The following SLC25A12 variants were observed in gnomAD, a reference collection of about 807,000 sequenced individuals.
SLC25A12 encodes solute carrier family 25 member 12, also known as electrogenic aspartate/glutamate antiporter SLC25A12, mitochondrial.
Under a neutral mutation model 83.3 loss-of-function variants are expected in SLC25A12, and 32 were observed. The ratio of observed to expected loss-of-function variants is 0.38; its 90% confidence interval spans 0.29 to 0.52. SLC25A12 has a LOEUF of 0.52. Among genes scored for constraint, SLC25A12 ranks in the 20% least tolerant of loss-of-function variants. The pLI is 0.84. For synonymous variants in SLC25A12, 267 were observed against 291.1 expected, an observed-to-expected ratio of 0.92 and a Z score of 0.84; for missense variants, 611 against 835.6, an observed-to-expected ratio of 0.73 and a Z score of 3.31.
chr2:171,808,038 T>C (rs1160400238), intron 13 of SLC25A12, among the ~76,000 whole-genome samples: 2 of 152,330 alleles, frequency 1.3e-5, no homozygotes, highest in East Asian at 3.9e-4. Flanking sequence ...CACAAGCAAC[T>C]GAGGAAGTTT....
intron 14 of SLC25A12, among the ~76,000 whole-genome samples, chr2:171,792,781 G>A (rs1448129812): frequency 6.6e-6 from 1 of 152,166 alleles, no homozygotes; most frequent in Non-Finnish European, 1.5e-5. Context: ...CTTGAGACAG[G>A]CATCATTGTT....
At chr2:171,881,142 C>CT (rs201576623) in intron 2 of SLC25A12, among the ~76,000 whole-genome samples, 13 of 151,840 alleles carry the variant, frequency 8.6e-5, no homozygotes, top group Admixed American at 3.9e-4. Context: ...CCCATATTTT[C>CT]TTTTTTTGTT....
At chr2:171,876,808 T>C (rs2105924573) in intron 2 of SLC25A12, among the ~76,000 whole-genome samples, 1 of 152,350 alleles carries the variant, frequency 6.6e-6, no homozygotes, top group South Asian at 2.1e-4. Flanking sequence ...AGTATGTCTA[T>C]ACTCCAAGTA....
At chr2:171,793,484 T>C in intron 14 of SLC25A12, 143 bp downstream of exon 14, 1 of 820,614 alleles carries the variant, frequency 1.2e-6, no homozygotes. Context: ...CATACAAGTG[T>C]CCTGATTCTT....
chr2:171,889,281 C>T (rs1558947293), intron 2 of SLC25A12, among the ~76,000 whole-genome samples: 1 of 152,122 alleles, frequency 6.6e-6, no homozygotes, highest in African/African-American at 2.4e-5. Flanking sequence ...TAAATAGATG[C>T]CTTATCAATT....
chr2:171,846,155 AAATT>A (rs1462299153), intron 4 of SLC25A12, among the ~76,000 whole-genome samples: 2 of 152,180 alleles, frequency 1.3e-5, no homozygotes, highest in Non-Finnish European at 1.5e-5. Context: ...TTCTAGTCCC[AAATT>A]AATTAATTTC....
intron 13 of SLC25A12, among the ~76,000 whole-genome samples, chr2:171,799,621 A>C (rs997503966): frequency 1.3e-5 from 2 of 152,208 alleles, no homozygotes; most frequent in African/African-American, 4.8e-5. Flanking sequence ...GAGAAAAAGC[A>C]TGGGAGAGTT....
intron 2 of SLC25A12, chr2:171,871,587 C>T (rs75231215): frequency 2.6e-5 from 8 of 305,396 alleles, no homozygotes; most frequent in Admixed American, 6.5e-5. Flanking sequence ...CCCAAAGTGC[C>T]GGGATTACAG....
At chr2:171,810,061 C>A (rs1003904120) in intron 12 of SLC25A12, among the ~76,000 whole-genome samples, 163 bp downstream of exon 12, 1 of 152,132 alleles carries the variant, frequency 6.6e-6, no homozygotes, top group African/African-American at 2.4e-5. Flanking sequence ...GAGCTGAGTT[C>A]TTACTATGCT....
intron 3 of SLC25A12, among the ~76,000 whole-genome samples, chr2:171,865,699 T>C (rs1399911636): frequency 6.6e-6 from 1 of 151,662 alleles, no homozygotes; most frequent in African/African-American, 2.4e-5. Flanking sequence ...ATAAAATATT[T>C]TTTTAATGTA....
At chr2:171,805,906 C>T (rs1453209136) in intron 13 of SLC25A12, among the ~76,000 whole-genome samples, 1 of 152,082 alleles carries the variant, frequency 6.6e-6, no homozygotes, top group Non-Finnish European at 1.5e-5. Context: ...CCCAGGAATT[C>T]GAGACCAGCC....
intron 5 of SLC25A12, among the ~76,000 whole-genome samples, chr2:171,841,108 C>G (rs1406637296): frequency 6.6e-6 from 1 of 152,190 alleles, no homozygotes; most frequent in Non-Finnish European, 1.5e-5. Flanking sequence ...GAGATGGAGT[C>G]TCGCTCTGTC....
chr2:171,893,959 T>C (rs2105938569), intron 1 of SLC25A12, among the ~76,000 whole-genome samples: 1 of 152,096 alleles, frequency 6.6e-6, no homozygotes, highest in South Asian at 2.1e-4. Flanking sequence ...TACTCTTCCT[T>C]CACTGACCCG....
At chr2:171,843,652 C>A (rs372638692) in intron 5 of SLC25A12, among the ~76,000 whole-genome samples, 4 of 151,922 alleles carry the variant, frequency 2.6e-5, no homozygotes, top group Admixed American at 1.3e-4. Context: ...ATAATAACTT[C>A]AGCCACCAAT....
At chr2:171,853,810 T>C (rs955322435) in intron 4 of SLC25A12, among the ~76,000 whole-genome samples, 1 of 152,264 alleles carries the variant, frequency 6.6e-6, no homozygotes. Context: ...TGTGTCTTAT[T>C]GTTAAGTTGG....
chr2:171,882,968 T>A (rs1201494016), intron 2 of SLC25A12, among the ~76,000 whole-genome samples: 2 of 152,222 alleles, frequency 1.3e-5, no homozygotes, highest in Non-Finnish European at 2.9e-5. Flanking sequence ...CTCTCGGGTC[T>A]CCCAGCCTTA....
In SLC25A12 at chr2:171,783,541, T is replaced by A. The variant is rs1334168698; in HGVS notation, c.*1733A>T. Among the ~76,000 whole-genome samples the A allele has an allele frequency of 1.3e-5, 2 of 152,196 alleles. No individual in the cohort carries two copies. Among genetic ancestry groups the A allele is most frequent in the Admixed American group, 1.3e-4 (2 of 15,282 alleles). ...ATATAAATATGTACATATATTTCTA[T>A]AGAGTTATGAAAAACAGACTACATA... On this transcript the variant is annotated 3_prime_UTR_variant, in exon 18 of 18. Coordinates refer to ENST00000422440, the MANE Select transcript of SLC25A12 (RefSeq NM_003705.5).
At chr2:171,828,133 T>G (rs1684351012) in intron 8 of SLC25A12, among the ~76,000 whole-genome samples, 1 of 152,144 alleles carries the variant, frequency 6.6e-6, no homozygotes, top group African/African-American at 2.4e-5. Context: ...TTTTTTTCAG[T>G]CTTTCAGAGG....
intron 13 of SLC25A12, among the ~76,000 whole-genome samples, chr2:171,796,332 C>T (rs959141800): frequency 1.3e-5 from 2 of 152,170 alleles, no homozygotes; most frequent in African/African-American, 2.4e-5. Context: ...ATCCCAACAA[C>T]GCACAGGACA....
Sources: gnomAD v4.1 joint callset for allele counts (sites outside exome capture counted in the v4.1 genomes callset) on GRCh38, gnomAD v4.1.1 for gene constraint, MANE v1.5 for transcripts, NCBI Gene and HGNC (gene_info 2026-07-23, HGNC 2026-07-21) for gene names.